The following ANKHD1 variants were observed in gnomAD, a reference collection of about 807,000 sequenced individuals.
ANKHD1 encodes ankyrin repeat and KH domain-containing protein 1.
In ANKHD1, 31 loss-of-function variants were observed where a neutral mutation model predicts 230.5. The observed-to-expected ratio is 0.13, with a 90% CI of 0.10 to 0.18. The LOEUF is 0.18. ANKHD1 is among the 10% of genes least tolerant of loss of function. The pLI is 1.00. For missense variants in ANKHD1, 2,256 were observed against 3,071.3 expected (o/e 0.73, Z 6.27); for synonymous variants, 1,074 against 1,117.6 (o/e 0.96, Z 0.78).
intron 1 of ANKHD1, among the ~76,000 whole-genome samples, chr5:140,411,758 A>G (rs1409537752): frequency 6.6e-6 from 1 of 151,590 alleles, no homozygotes; most frequent in African/African-American, 2.4e-5. Flanking sequence ...TCCTGACCTC[A>G]GACTATCTGC....
At chr5:140,472,367 T>TA (rs760206124) in intron 10 of ANKHD1, 1 of 1,579,618 alleles carries the variant, frequency 6.3e-7, no homozygotes, top group Non-Finnish European at 8.6e-7. Flanking sequence ...GAACTCTGGA[T>TA]ATCTGAATTC....
At chr5:140,526,594 C>T in intron 26 of ANKHD1, 151 bp downstream of exon 26, 1 of 1,103,412 alleles carries the variant, frequency 9.1e-7, no homozygotes, top group Non-Finnish European at 1.2e-6. Context: ...CTGAAATTCA[C>T]CCATGTCCTC....
chr5:140,504,640 C>T, intron 15 of ANKHD1, 181 bp from the exon 16 acceptor site: 1 of 808,714 alleles, frequency 1.2e-6, no homozygotes, highest in Non-Finnish European at 1.8e-6. Flanking sequence ...AATTACTTGC[C>T]CAAGATCAGA....
chr5:140,414,979 G>T (rs1421285173), intron 1 of ANKHD1, among the ~76,000 whole-genome samples: 5 of 151,978 alleles, frequency 3.3e-5, no homozygotes, highest in African/African-American at 1.2e-4. Context: ...TCATTCTGTT[G>T]CTGTAGTGTC....
At position 140,527,754 on chromosome 5, in the gene ANKHD1, C is replaced by T; in HGVS notation, c.5088-119C>T. 3.3e-6 allele frequency: 4 copies of T among 1,211,816 alleles called. No homozygotes were observed. The highest frequency in any genetic ancestry group is 4.3e-6 in the Non-Finnish European group (4 of 932,822). 75.1% of individuals were successfully genotyped at this position (1,211,816 alleles called of 1,614,324 possible). On this transcript the variant is annotated intron_variant, in intron 27 of 33. Transcript: ENST00000360839. This position sits in a 1 kb window ranked among gnomAD's most constrained non-coding sequence, Gnocchi z 4.5. ...TAAAATAAAAACTTTTAATAATTTC[C>T]TCTTTAGCATTTAAGAAATGTTATT...
intron 9 of ANKHD1, among the ~76,000 whole-genome samples, chr5:140,461,789 A>G (rs1775719762): frequency 6.6e-6 from 1 of 152,170 alleles, no homozygotes; most frequent in South Asian, 2.1e-4. Context: ...AATAACCACA[A>G]TACAATTTTC....
chr5:140,413,695 G>A (rs1771116517), intron 1 of ANKHD1, among the ~76,000 whole-genome samples: 2 of 152,068 alleles, frequency 1.3e-5, no homozygotes, highest in African/African-American at 4.8e-5. Flanking sequence ...ATTCAATTGT[G>A]TGTGTATATG....
chr5:140,404,967 C>CTGTGTGTGTGTGTGTGTGTGTGTG (rs35692572), intron 1 of ANKHD1, among the ~76,000 whole-genome samples: 1 of 134,832 alleles, frequency 7.4e-6, no homozygotes, highest in Non-Finnish European at 1.6e-5. Context: ...CTGTGCATGT[C>CTGTGTGTGTGTGTGTGTGTGTGTG]TGTGTGTGTG....
rs572298650 is a variant in ANKHD1 at position 140,487,064 on chromosome 5, A to G, written c.2245+4A>G. The G allele has an allele frequency of 2.5e-6, 4 of 1,603,634 alleles. No homozygotes were observed. Among genetic ancestry groups the G allele is most frequent in the Non-Finnish European group, 2.5e-6 (3 of 1,176,530 alleles). ...GCCCTTTTAGGAGTGCAAAAAGGTTAGTTATTGAATTATTTTTCTTAAAAT... is the reference window on the plus strand; with the variant it reads ...GCCCTTTTAGGAGTGCAAAAAGGTTGGTTATTGAATTATTTTTCTTAAAAT... On this transcript the variant is annotated splice_donor_region_variant and intron_variant, in intron 14 of 33. Coordinates refer to ENST00000360839, the MANE Select transcript of ANKHD1 (RefSeq NM_017747.3).
intron 14 of ANKHD1, among the ~76,000 whole-genome samples, chr5:140,491,135 TACACA>T (rs1751766037): frequency 4.0e-5 from 3 of 75,048 alleles, no homozygotes; most frequent in Non-Finnish European, 7.5e-5. Context: ...TATATATATA[TACACA>T]TATATATATA....
rs1008585556 is a variant in ANKHD1 at position 140,485,438 on chromosome 5, G to A, written c.1999-151G>A. 3 of 693,282 alleles carry A rather than the reference G, an allele frequency of 4.3e-6. No homozygotes were observed. The highest frequency in any genetic ancestry group is 5.9e-6 in the Non-Finnish European group (3 of 504,752). The allele number at this position is 693,282 out of a possible 1,614,324, so 42.9% of individuals were successfully genotyped here. On this transcript the variant is annotated intron_variant, in intron 12 of 33. Coordinates refer to ENST00000360839, the MANE Select transcript of ANKHD1 (RefSeq NM_017747.3). This position sits in a 1 kb window ranked among gnomAD's most constrained non-coding sequence, Gnocchi z 4.8. ...CACACACACACACACGTATGTATGT[G>A]TATATATATATAAATAATATGTGTA...
chr5:140,461,519 AT>A (rs1299012543), intron 9 of ANKHD1, among the ~76,000 whole-genome samples: 1 of 152,188 alleles, frequency 6.6e-6, no homozygotes, highest in Non-Finnish European at 1.5e-5. Context: ...CCTTTTTGTT[AT>A]GGCATTTTTT....
In ANKHD1 at chr5:140,485,735, A is replaced by G. The variant is rs778823964; in HGVS notation, c.2142+3A>G. The G allele has an allele frequency of 2.5e-6, 4 of 1,611,292 alleles. No individual in the cohort carries two copies. The highest frequency in any genetic ancestry group is 3.4e-6 in the Non-Finnish European group (4 of 1,179,378). ...CACCTTCTCAAGATCAGTCTCAGGT[A>G]AAGTAAAATGGAGCTTGTTTGTTAA... On this transcript the variant is annotated splice_donor_region_variant and intron_variant, in intron 13 of 33. Transcript: ENST00000360839. This position sits in a 1 kb window ranked among gnomAD's most constrained non-coding sequence, Gnocchi z 4.8.
At chr5:140,405,290 T>C (rs1278043999) in intron 1 of ANKHD1, among the ~76,000 whole-genome samples, 1 of 152,164 alleles carries the variant, frequency 6.6e-6, no homozygotes, top group Non-Finnish European at 1.5e-5. Context: ...TGATGCTTAG[T>C]GGGTGTATAG....
intron 24 of ANKHD1, among the ~76,000 whole-genome samples, chr5:140,514,783 C>G (rs991206779): frequency 3.3e-5 from 5 of 151,972 alleles, no homozygotes; most frequent in African/African-American, 1.2e-4. Flanking sequence ...CCAGGCTGGG[C>G]AACATAGTGA....
At chr5:140,419,652 G>A (rs534963834) in intron 1 of ANKHD1, among the ~76,000 whole-genome samples, 2 of 151,178 alleles carry the variant, frequency 1.3e-5, no homozygotes, top group Admixed American at 6.6e-5. Flanking sequence ...TAGATATGGA[G>A]TATCAGTATA....
At chr5:140,447,868 G>A (rs140689481) in intron 6 of ANKHD1, among the ~76,000 whole-genome samples, 17 of 152,248 alleles carry the variant, frequency 1.1e-4, no homozygotes, top group African/African-American at 2.4e-4. Context: ...CTAGGTGTGC[G>A]GCCTTATAAC....
intron 1 of ANKHD1, among the ~76,000 whole-genome samples, chr5:140,427,483 C>T (rs1772579690): frequency 7.5e-6 from 1 of 133,630 alleles, no homozygotes; most frequent in Non-Finnish European, 1.6e-5. Flanking sequence ...TCCTCACTTC[C>T]CAGTAGGGGC....
chr5:140,456,648 T>A (rs1450382394), intron 7 of ANKHD1, among the ~76,000 whole-genome samples: 1 of 152,210 alleles, frequency 6.6e-6, no homozygotes, highest in Non-Finnish European at 1.5e-5. Context: ...CTGGGAAAAC[T>A]GGCTAGCCAT....
Sources: gnomAD v4.1 joint callset for allele counts (sites outside exome capture counted in the v4.1 genomes callset) on GRCh38, gnomAD v4.1.1 for gene constraint, Gnocchi (gnomAD v3.1) non-coding constraint, MANE v1.5 for transcripts, NCBI Gene and HGNC (gene_info 2026-07-23, HGNC 2026-07-21) for gene names.